PITPNM2: variants seen among roughly 807,000 people sequenced by gnomAD.
PITPNM2 encodes the protein phosphatidylinositol transfer protein membrane associated 2, also known as membrane-associated phosphatidylinositol transfer protein 2.
Under a neutral mutation model 132.2 loss-of-function variants are expected in PITPNM2, and 35 were observed. The observed-to-expected ratio is 0.26, with a 90% CI of 0.20 to 0.35. PITPNM2 has a LOEUF of 0.35. PITPNM2 is among the 10% of genes least tolerant of loss of function. PITPNM2 has a pLI of 1.00. For missense variants in PITPNM2, 1,332 were observed against 1,912.0 expected, an observed-to-expected ratio of 0.70 and a Z score of 5.66; for synonymous variants, 738 against 799.2, an observed-to-expected ratio of 0.92 and a Z score of 1.29.
intron 17 of PITPNM2, among the ~76,000 whole-genome samples, chr12:122,990,264 C>T (rs572980955): frequency 6.6e-6 from 1 of 152,348 alleles, no homozygotes; most frequent in East Asian, 1.9e-4. Flanking sequence ...ATGAGGAAGG[C>T]GGGGCCCTTA....
Position 123,051,023 on chromosome 12 carries a change from A to C in PITPNM2, c.-95-16338T>G, listed in dbSNP as rs2040838859. On this transcript the variant is annotated intron_variant, in intron 2 of 25. Coordinates refer to ENST00000320201, the MANE Select transcript of PITPNM2 (RefSeq NM_020845.3). Reference sequence around the variant, plus strand: ...ACTCCAAGCGATGCCATTCTCATGTACTACAATATGAATGACACTCCCTTG... The same window carrying C: ...ACTCCAAGCGATGCCATTCTCATGTCCTACAATATGAATGACACTCCCTTG... Among the ~76,000 whole-genome samples the C allele has an allele frequency of 2.0e-5, 3 of 152,234 alleles. No individual in the cohort carries two copies. The South Asian group carries it at 6.2e-4, about 32-fold the overall frequency.
At chr12:122,995,031 T>G in intron 14 of PITPNM2, 52 bp from the exon 15 acceptor site, 1 of 1,504,688 alleles carries the variant, frequency 6.6e-7, no homozygotes, top group Non-Finnish European at 8.9e-7. Flanking sequence ...TGCCATCATC[T>G]GCCACGACAC....
intron 3 of PITPNM2, among the ~76,000 whole-genome samples, chr12:123,020,072 C>A (rs199642982): frequency 6.6e-6 from 1 of 152,138 alleles, no homozygotes; most frequent in Admixed American, 6.6e-5. Flanking sequence ...GGGAGCTAGG[C>A]AGAAGCCATA....
intron 1 of PITPNM2, among the ~76,000 whole-genome samples, chr12:123,125,101 G>A (rs1225454478): frequency 6.6e-6 from 1 of 152,132 alleles, no homozygotes; most frequent in African/African-American, 2.4e-5. Flanking sequence ...GGGACTACAG[G>A]CATGTGTCAC....
chr12:123,081,358 CT>C (rs1348782392), intron 2 of PITPNM2: 6 of 152,336 alleles, frequency 3.9e-5, no homozygotes, highest in Non-Finnish European at 8.8e-5. Flanking sequence ...GCTGTTTCCC[CT>C]AGCAACTCCT....
intron 2 of PITPNM2, among the ~76,000 whole-genome samples, chr12:123,042,927 G>T (rs939260463): frequency 6.6e-6 from 1 of 152,032 alleles, no homozygotes; most frequent in Non-Finnish European, 1.5e-5. Flanking sequence ...CTGGGCTGGG[G>T]TTGCAGGAGT....
At chr12:123,133,097 T>C (rs574923227) in intron 1 of PITPNM2, among the ~76,000 whole-genome samples, 29 of 152,224 alleles carry the variant, frequency 1.9e-4, no homozygotes, top group Non-Finnish European at 3.4e-4. Flanking sequence ...CTATGTCATA[T>C]GGGAATTTTG....
At chr12:123,121,167 C>T (rs1036238967) in intron 1 of PITPNM2, among the ~76,000 whole-genome samples, 1 of 152,202 alleles carries the variant, frequency 6.6e-6, no homozygotes, top group African/African-American at 2.4e-5. Context: ...AAGCTCTCAC[C>T]GGTTCAAGGA....
chr12:123,130,229 T>C (rs2043232405), intron 1 of PITPNM2, among the ~76,000 whole-genome samples: 1 of 152,090 alleles, frequency 6.6e-6, no homozygotes, highest in African/African-American at 2.4e-5. Flanking sequence ...CACAGAGCAT[T>C]TGGGGACAGG....
chr12:123,130,958 G>T (rs1452291522), intron 1 of PITPNM2, among the ~76,000 whole-genome samples: 1 of 152,122 alleles, frequency 6.6e-6, no homozygotes, highest in East Asian at 1.9e-4. Context: ...GATGATCCTG[G>T]TGCTGTCCCC....
chr12:123,018,019 CCTTCCTTCCTTCCTT>C (rs1474357540), intron 3 of PITPNM2, among the ~76,000 whole-genome samples: 4 of 142,980 alleles, frequency 2.8e-5, no homozygotes, highest in African/African-American at 1.1e-4. Flanking sequence ...TTCCTTCCTT[CCTTCCTTCCTTCCTT>C]CCTCCCTCCC....
intron 2 of PITPNM2, among the ~76,000 whole-genome samples, chr12:123,061,349 T>G (rs930555939): frequency 6.6e-6 from 1 of 152,176 alleles, no homozygotes; most frequent in Non-Finnish European, 1.5e-5. Context: ...AACAGCTCTG[T>G]GAGGGCAGCC....
At chr12:123,146,791 T>G (rs1301468098) in intron 1 of PITPNM2, among the ~76,000 whole-genome samples, 2 of 152,046 alleles carry the variant, frequency 1.3e-5, no homozygotes, top group Non-Finnish European at 2.9e-5. Flanking sequence ...CAAGGACCCA[T>G]GTACAGGGCT....
chr12:123,125,297 G>A (rs1566302967), intron 1 of PITPNM2, among the ~76,000 whole-genome samples: 1 of 152,150 alleles, frequency 6.6e-6, no homozygotes, highest in Non-Finnish European at 1.5e-5. Flanking sequence ...AATGTTCTTT[G>A]AATCCTAGAA....
At position 123,100,761 on chromosome 12, in the gene PITPNM2, G is replaced by A. The variant is rs139155946; in HGVS notation, c.-96+9624C>T. 2.6e-5 allele frequency among the ~76,000 whole-genome samples: 4 copies of A among 152,292 alleles called. No homozygotes were observed. The East Asian group carries it at 7.7e-4, about 29-fold the overall frequency. ...TCTTATGACTCCATTCATATGAAAT[G>A]TCCGGAAAAGGCATTAGCCATTCTT... On this transcript the variant is annotated intron_variant, in intron 2 of 25. Transcript: ENST00000320201.
At position 123,001,174 on chromosome 12, in the gene PITPNM2, G is replaced by A. The variant is rs371852137; in HGVS notation, c.1049-16C>T. 8.7e-6 allele frequency: 14 copies of A among 1,604,982 alleles called. No homozygotes were observed. The African/African-American group carries it at 1.9e-4, about 21-fold the overall frequency. On this transcript the variant is annotated splice_polypyrimidine_tract_variant and intron_variant, in intron 8 of 25. Transcript: ENST00000320201. ...GACAGGTCCTCTGGAGAGGAGAGAG[G>A]GAAACTCAGGTGGGACTGGGAACGC...
chr12:123,006,455 CT>C (rs2038937941), intron 6 of PITPNM2, among the ~76,000 whole-genome samples: 1 of 151,488 alleles, frequency 6.6e-6, no homozygotes, highest in Non-Finnish European at 1.5e-5. Context: ...AATCCTAGCA[CT>C]TTGGGAGGCT....
rs760546382 is a variant in PITPNM2 at position 122,996,817 on chromosome 12, G to C, written c.1566C>G (p.Pro522=). The change falls in exon 12 of 26, where the codon CCC becomes CCG. Residue 522 remains proline, a synonymous_variant. Coordinates refer to ENST00000320201, the MANE Select transcript of PITPNM2 (RefSeq NM_020845.3). ...CTGTGGCAACTGCCTCCTGGTACTG[G>C]GGGGAGGAGGTGGCCAGCAGGGGGA... ...AALPLLATSS[P]QYQEAVATVI... The C allele has an allele frequency of 1.2e-6, 2 of 1,603,044 alleles. No individual in the cohort carries two copies. Among genetic ancestry groups the C allele is most frequent in the South Asian group, 1.1e-5 (1 of 89,674 alleles).
In PITPNM2 at chr12:123,000,882, G is replaced by C; in HGVS notation, c.1154-34C>G. On this transcript the variant is annotated intron_variant, in intron 9 of 25. Transcript: ENST00000320201. The surrounding 1 kb of genome is among the most constrained non-coding windows in gnomAD (Gnocchi z 5.4). ...ACACAGAAGCCGTGCTGTGAGCTGA[G>C]GGGCAGCCCAACCTGGCCGACCGGA... is the stretch of plus-strand genomic sequence containing the variant. The C allele has an allele frequency of 6.2e-7, 1 of 1,613,230 alleles. No individual in the cohort carries two copies. The highest frequency in any genetic ancestry group is 8.5e-7 in the Non-Finnish European group (1 of 1,179,400).
Sources: gnomAD v4.1 joint callset for allele counts (sites outside exome capture counted in the v4.1 genomes callset) on GRCh38, gnomAD v4.1.1 for gene constraint, Gnocchi (gnomAD v3.1) non-coding constraint, MANE v1.5 for transcripts, NCBI Gene and HGNC (gene_info 2026-07-23, HGNC 2026-07-21) for gene names.